The following COL4A2 variants were observed in gnomAD, a reference collection of about 807,000 sequenced individuals.
The protein encoded by COL4A2 is collagen type IV alpha 2 chain, also known as collagen alpha-2(IV) chain.
COL4A2 carries 99 observed loss-of-function variants against 200.2 expected under a neutral mutation model. The observed-to-expected ratio is 0.49, with a 90% CI of 0.42 to 0.58. The LOEUF (loss-of-function observed/expected upper bound fraction) is 0.58, where lower values mean the gene tolerates loss of function less well. COL4A2 is among the 20% of genes least tolerant of loss of function. The pLI, the probability that COL4A2 is intolerant of heterozygous loss-of-function variation, is 0.00. For synonymous variants in COL4A2, 897 were observed against 900.6 expected (o/e 1.00, Z 0.07); for missense variants, 1,950 against 2,314.1 (o/e 0.84, Z 3.23).
At chr13:110,459,360 T>C (rs1881924637) in intron 22 of COL4A2, 1 of 162,366 alleles carries the variant, frequency 6.2e-6, no homozygotes, top group Non-Finnish European at 1.4e-5. Flanking sequence ...CTATACAGCA[T>C]CTATACCACA....
intron 3 of COL4A2, among the ~76,000 whole-genome samples, chr13:110,332,186 A>G (rs527296488): frequency 2.0e-5 from 3 of 152,282 alleles, no homozygotes; most frequent in East Asian, 3.9e-4. Flanking sequence ...TATATTAGCA[A>G]TGTTAAGTCA....
At chr13:110,379,617 G>T (rs1249858315) in intron 4 of COL4A2, among the ~76,000 whole-genome samples, 1 of 152,154 alleles carries the variant, frequency 6.6e-6, no homozygotes, top group Non-Finnish European at 1.5e-5. Flanking sequence ...GTGTCAGGCG[G>T]GTGCACAGAC....
At chr13:110,358,934 G>T (rs141843936) in intron 4 of COL4A2, among the ~76,000 whole-genome samples, 1 of 152,082 alleles carries the variant, frequency 6.6e-6, no homozygotes, top group African/African-American at 2.4e-5. Context: ...AAGTACGTAC[G>T]TGTGTTTGCA....
At chr13:110,452,811 G>A (rs1011655249) in intron 20 of COL4A2, among the ~76,000 whole-genome samples, 2 of 152,002 alleles carry the variant, frequency 1.3e-5, no homozygotes, top group African/African-American at 4.8e-5. Flanking sequence ...ATCCCAGGCT[G>A]GAGTGCAGTG....
At chr13:110,445,673 T>C (rs984777667) in intron 16 of COL4A2, among the ~76,000 whole-genome samples, 156 bp from the exon 17 acceptor site, 2 of 152,236 alleles carry the variant, frequency 1.3e-5, no homozygotes, top group Admixed American at 6.5e-5. Flanking sequence ...AAAGACATTT[T>C]TGAGACCCAA....
intron 18 of COL4A2, among the ~76,000 whole-genome samples, chr13:110,448,584 CA>C (rs761868916): frequency 7.2e-5 from 11 of 152,024 alleles, no homozygotes; most frequent in Non-Finnish European, 1.2e-4. Flanking sequence ...ATGAACTTGT[CA>C]AAAGACAAAA....
chr13:110,349,327 A>T (rs1876849679), intron 3 of COL4A2, among the ~76,000 whole-genome samples: 1 of 152,092 alleles, frequency 6.6e-6, no homozygotes, highest in South Asian at 2.1e-4. Flanking sequence ...CAAGGAGGAC[A>T]CCCTTTTCCC....
In COL4A2 at chr13:110,473,033, A is replaced by T; in HGVS notation, c.2308A>T (p.Arg770Trp). ...LPGPDGPPGE[R>W]GLPGEVLGAQ... ...AGGGCCAGATGGGCCCCCTGGGGAA[A>T]GGGGCCTCCCTGGAGAAGTCCTGGG... Residue 770 changes from arginine to tryptophan, a missense_variant, in exon 29 of 48, where the codon AGG becomes TGG. Physicochemically the swap from Arg to Trp is moderately radical, Grantham distance 101. This residue lies in a region of COL4A2 where 1,385 missense variants were observed against 1,720.5 expected (regional missense o/e 0.80). Transcript: ENST00000360467. 6.6e-7 allele frequency: 1 copy of T among 1,514,412 alleles called. No homozygotes were observed. 93.8% of individuals were successfully genotyped at this position (1,514,412 alleles called of 1,614,324 possible). A position where few individuals can be genotyped will look rare whatever the true frequency, so the allele number is the denominator to read the frequency against.
chr13:110,394,587 G>C (rs1271976595), intron 4 of COL4A2, among the ~76,000 whole-genome samples: 1 of 152,192 alleles, frequency 6.6e-6, no homozygotes, highest in African/African-American at 2.4e-5. Context: ...ATTACACAAG[G>C]ATGGTCTTGG....
At chr13:110,441,617 C>T (rs1440565375) in intron 16 of COL4A2, among the ~76,000 whole-genome samples, 1 of 152,136 alleles carries the variant, frequency 6.6e-6, no homozygotes, top group East Asian at 1.9e-4. Context: ...CATTCTAGTT[C>T]ATGGCTTAGG....
At chr13:110,370,828 GA>G (rs1877972905) in intron 4 of COL4A2, among the ~76,000 whole-genome samples, 1 of 152,170 alleles carries the variant, frequency 6.6e-6, no homozygotes, top group Non-Finnish European at 1.5e-5. Flanking sequence ...GACCAAAGAG[GA>G]GATTTCTAAA....
intron 3 of COL4A2, among the ~76,000 whole-genome samples, chr13:110,339,869 T>C (rs1876369890): frequency 6.6e-6 from 1 of 152,202 alleles, no homozygotes; most frequent in Non-Finnish European, 1.5e-5. Flanking sequence ...ATTCCAGAAA[T>C]GGAACAATGG....
In COL4A2 at chr13:110,322,051, C is replaced by A. The variant is rs374080344; in HGVS notation, c.99+13928C>A. ...TTCCTTCCTTTTTAAGCCCCAGTAA[C>A]AGTGCTATGCTTTTTAAAGTTCTTA... On this transcript the variant is annotated intron_variant, in intron 3 of 47. Coordinates refer to ENST00000360467, the MANE Select transcript of COL4A2 (RefSeq NM_001846.4). Among the ~76,000 whole-genome samples the A allele has an allele frequency of 1.1e-3, 161 of 152,350 alleles. 1 individual carries two copies. The highest frequency in any genetic ancestry group is 3.7e-3 in the African/African-American group (153 of 41,586).
chr13:110,340,677 C>A (rs1876408733), intron 3 of COL4A2, among the ~76,000 whole-genome samples: 1 of 152,176 alleles, frequency 6.6e-6, no homozygotes. Context: ...TCCTGTAGCT[C>A]ATGAAGACAT....
At chr13:110,388,232 C>G (rs1250659197) in intron 4 of COL4A2, among the ~76,000 whole-genome samples, 3 of 152,174 alleles carry the variant, frequency 2.0e-5, no homozygotes, top group African/African-American at 4.8e-5. Context: ...CGGCGGCAAG[C>G]GAGCCCTCAA....
At chr13:110,377,170 C>G (rs1283442481) in intron 4 of COL4A2, among the ~76,000 whole-genome samples, 3 of 152,122 alleles carry the variant, frequency 2.0e-5, no homozygotes, top group Non-Finnish European at 2.9e-5. Flanking sequence ...TACCACCATG[C>G]CAGCTGTAGC....
chr13:110,309,345 G>A (rs1884908202), intron 3 of COL4A2, among the ~76,000 whole-genome samples: 1 of 152,136 alleles, frequency 6.6e-6, no homozygotes, highest in Non-Finnish European at 1.5e-5. Context: ...CTGTCTCTTC[G>A]TCCCAGCCCC....
At chr13:110,352,208 T>C (rs1876992092) in intron 3 of COL4A2, among the ~76,000 whole-genome samples, 1 of 152,202 alleles carries the variant, frequency 6.6e-6, no homozygotes, top group Non-Finnish European at 1.5e-5. Flanking sequence ...AGCCTCAGGC[T>C]GTCAGGCAGG....
intron 3 of COL4A2, among the ~76,000 whole-genome samples, chr13:110,354,395 C>A (rs9588146): frequency 0.064 from 9,716 of 152,198 alleles, 1,052 homozygotes; most frequent in African/African-American, 0.22. Context: ...ATATTCAAAT[C>A]ATGGGATTTA....
Sources: gnomAD v4.1 joint callset for allele counts (sites outside exome capture counted in the v4.1 genomes callset) on GRCh38, gnomAD v4.1.1 for gene constraint, gnomAD v4.1.1 regional missense constraint, MANE v1.5 for transcripts, NCBI Gene and HGNC (gene_info 2026-07-23, HGNC 2026-07-21) for gene names.